Variants in AJAP1 observed in about 807,000 individuals in gnomAD.
AJAP1 encodes adherens junctions associated protein 1.
In AJAP1, 5 loss-of-function variants were observed where a neutral mutation model predicts 35.0. The ratio of observed to expected loss-of-function variants is 0.14; its 90% CI spans 0.07 to 0.30. The LOEUF (loss-of-function observed/expected upper bound fraction) is 0.30. Ranked by LOEUF, AJAP1 falls within the 10% of genes least tolerant of loss-of-function variation. AJAP1 has a pLI of 1.00. For synonymous variants in AJAP1, 284 were observed against 249.3 expected (o/e 1.14, Z -1.31); for missense variants, 586 against 571.0 (o/e 1.03, Z -0.27).
intron 1 of AJAP1, among the ~76,000 whole-genome samples, chr1:4,689,066 A>AG (rs1156724601): frequency 6.6e-6 from 1 of 152,008 alleles, no homozygotes; most frequent in African/African-American, 2.4e-5. Flanking sequence ...ACTCGCCTGT[A>AG]GGGGGTGAGG....
intron 2 of AJAP1, 53 bp from the exon 3 acceptor site, chr1:4,769,800 G>C (rs770490485): frequency 6.7e-7 from 1 of 1,497,402 alleles, no homozygotes; most frequent in African/African-American, 1.4e-5. Context: ...GGCCCCCCTC[G>C]CCTCCTGAAC....
rs1315970896 is a variant in AJAP1 at position 4,790,475 on chromosome 1, G to C, written c.*7990G>C. The C allele has an allele frequency of 6.6e-6, 1 of 152,222 alleles. No homozygotes were observed. Among genetic ancestry groups the C allele is most frequent in the African/African-American group, 2.4e-5 (1 of 41,460 alleles). The allele number at this position is 152,222 out of a possible 1,614,324, so 9.4% of individuals were successfully genotyped here. A position where few individuals can be genotyped will look rare whatever the true frequency, so the allele number is the denominator to read the frequency against. ...ATACAAGCACAATTCTCCCAGTTAA[G>C]GGGCTGGAAGACAAGCGGGGCAACT... On this transcript the variant is annotated 3_prime_UTR_variant, in exon 6 of 6. Transcript: ENST00000378191.
chr1:4,671,484 G>A (rs919028401), intron 1 of AJAP1, among the ~76,000 whole-genome samples: 2 of 152,024 alleles, frequency 1.3e-5, no homozygotes, highest in Admixed American at 1.3e-4. Context: ...AGAGCCCAGG[G>A]CCCTGTGGTC....
rs1000690874 is a variant in AJAP1 at position 4,725,024 on chromosome 1, T to C, written c.829+12325T>C. Among the ~76,000 whole-genome samples, 115 of 152,330 alleles carry C rather than the reference T, an allele frequency of 7.5e-4. 1 individual carries two copies. The highest frequency in any genetic ancestry group is 7.5e-4 in the Non-Finnish European group (51 of 68,032). ...TGCCCCAGCGCACACTGTCTGGCTC[T>C]GGACTGCCCACGCTTGTGCCCAGAG... is the stretch of plus-strand genomic sequence containing the variant. On this transcript the variant is annotated intron_variant, in intron 2 of 5. Coordinates refer to ENST00000378191, the MANE Select transcript of AJAP1 (RefSeq NM_018836.4).
chr1:4,710,194 A>G (rs1409045743), intron 1 of AJAP1, among the ~76,000 whole-genome samples: 1 of 152,082 alleles, frequency 6.6e-6, no homozygotes, highest in Non-Finnish European at 1.5e-5. Context: ...GAACGCACAG[A>G]TACACTCATA....
chr1:4,682,319 C>CT (rs1639502116), intron 1 of AJAP1, among the ~76,000 whole-genome samples: 1 of 152,218 alleles, frequency 6.6e-6, no homozygotes, highest in South Asian at 2.1e-4. Context: ...CTCAGAGATG[C>CT]TTTGTTCATT....
At chr1:4,680,958 G>A (rs1330455675) in intron 1 of AJAP1, among the ~76,000 whole-genome samples, 2 of 152,152 alleles carry the variant, frequency 1.3e-5, no homozygotes, top group African/African-American at 4.8e-5. Flanking sequence ...TAGGGCTTTG[G>A]CATTCGAATT....
chr1:4,741,974 G>A (rs1034347393), intron 2 of AJAP1, among the ~76,000 whole-genome samples: 1 of 152,208 alleles, frequency 6.6e-6, no homozygotes, highest in African/African-American at 2.4e-5. Context: ...AATAAGACAC[G>A]GAAAAGGACA....
intron 2 of AJAP1, among the ~76,000 whole-genome samples, chr1:4,744,757 C>T (rs1215287465): frequency 6.6e-6 from 1 of 152,116 alleles, no homozygotes; most frequent in Non-Finnish European, 1.5e-5. Context: ...AAACACAGGC[C>T]CACGCTTGCA....
chr1:4,740,655 G>T (rs1004115317), intron 2 of AJAP1, among the ~76,000 whole-genome samples: 59 of 151,514 alleles, frequency 3.9e-4, no homozygotes, highest in East Asian at 5.9e-4. Flanking sequence ...GTGTGGTGGC[G>T]GGCGCCTGTA....
At chr1:4,728,586 G>T (rs1351355289) in intron 2 of AJAP1, among the ~76,000 whole-genome samples, 3 of 152,202 alleles carry the variant, frequency 2.0e-5, no homozygotes, top group East Asian at 1.9e-4. Flanking sequence ...TCCAGAGTGG[G>T]CTGTGTCCGT....
chr1:4,715,218 G>T (rs1253397318), intron 2 of AJAP1, among the ~76,000 whole-genome samples: 1 of 152,208 alleles, frequency 6.6e-6, no homozygotes, highest in Non-Finnish European at 1.5e-5. Flanking sequence ...CAGCAGAAGT[G>T]GTCTTGGGGA....
chr1:4,774,523 C>G lies in AJAP1; in HGVS notation c.*24C>G, dbSNP rs1570228244. ...GACTGGCCGAAGTCTTTTTTACCTC[C>G]TGGGGGCAGGGCAGACGCCGTGTGT... On this transcript the variant is annotated 3_prime_UTR_variant, in exon 5 of 6. Transcript: ENST00000378191. 17 of 1,609,430 alleles carry G rather than the reference C, an allele frequency of 1.1e-5. No individual in the cohort carries two copies. The East Asian group carries it at 3.8e-4, about 36-fold the overall frequency.
chr1:4,782,869 C>G lies in AJAP1; in HGVS notation c.*384C>G. On this transcript the variant is annotated 3_prime_UTR_variant, in exon 6 of 6. Coordinates refer to ENST00000378191, the MANE Select transcript of AJAP1 (RefSeq NM_018836.4). This position sits in a 1 kb window ranked among gnomAD's most constrained non-coding sequence, Gnocchi z 5.3. ...CTAGGATTCGTCCTACGATTCTGAA[C>G]CTGTGCCAATAATACCATTATGTGC... 1 of 398,612 alleles carries G rather than the reference C, an allele frequency of 2.5e-6. No individual in the cohort carries two copies. The highest frequency in any genetic ancestry group is 4.4e-6 in the Non-Finnish European group (1 of 226,066). 24.7% of individuals were successfully genotyped at this position (398,612 alleles called of 1,614,324 possible). A position where few individuals can be genotyped will look rare whatever the true frequency, so the allele number is the denominator to read the frequency against.
chr1:4,759,530 C>T (rs913303034), intron 2 of AJAP1, among the ~76,000 whole-genome samples: 52 of 152,174 alleles, frequency 3.4e-4, no homozygotes, highest in Non-Finnish European at 5.6e-4. Flanking sequence ...TGGCTCAAGC[C>T]TCTGCATAGA....
chr1:4,706,613 C>A (rs1640106388), intron 1 of AJAP1, among the ~76,000 whole-genome samples: 1 of 152,186 alleles, frequency 6.6e-6, no homozygotes, highest in Non-Finnish European at 1.5e-5. Context: ...AATTCCAGGG[C>A]CTGGCCTGCT....
chr1:4,668,346 G>C lies in AJAP1; in HGVS notation c.29+12892G>C, dbSNP rs6703380. ...GCTGTGTGTGTGTGTGCGTGTGCGT[G>C]TGTGTGTGTGTGTGTCTGTGGGTGT... On this transcript the variant is annotated intron_variant, in intron 1 of 5. Coordinates refer to ENST00000378191, the MANE Select transcript of AJAP1 (RefSeq NM_018836.4). 4.0e-5 allele frequency among the ~76,000 whole-genome samples: 6 copies of C among 151,234 alleles called. No homozygotes were observed. In the East Asian group the frequency reaches 5.8e-4, roughly 15 times the overall value.
intron 2 of AJAP1, among the ~76,000 whole-genome samples, chr1:4,755,334 A>C (rs1468268188): frequency 2.0e-5 from 3 of 151,708 alleles, no homozygotes; most frequent in Non-Finnish European, 4.4e-5. Flanking sequence ...CTCCTCTCTC[A>C]CACCACCCCC....
intron 2 of AJAP1, among the ~76,000 whole-genome samples, chr1:4,735,832 C>T (rs1401066176): frequency 1.3e-5 from 2 of 152,236 alleles, no homozygotes; most frequent in African/African-American, 2.4e-5. Context: ...CCTCTGGCCT[C>T]GGAGCTGGCT....
Sources: gnomAD v4.1 joint callset for allele counts (sites outside exome capture counted in the v4.1 genomes callset) on GRCh38, gnomAD v4.1.1 for gene constraint, Gnocchi (gnomAD v3.1) non-coding constraint, MANE v1.5 for transcripts, NCBI Gene and HGNC (gene_info 2026-07-23, HGNC 2026-07-21) for gene names.